DNAH3: variants seen among roughly 807,000 people sequenced by gnomAD.
DNAH3 encodes dynein axonemal heavy chain 3.
Under a neutral mutation model 432.5 loss-of-function variants are expected in DNAH3, and 332 were observed. The ratio of observed to expected loss-of-function variants is 0.77; its 90% confidence interval spans 0.70 to 0.84. The LOEUF (loss-of-function observed/expected upper bound fraction) is 0.84, where lower values mean the gene tolerates loss of function less well. Among genes scored for constraint, DNAH3 ranks in the 40% least tolerant of loss-of-function variants. The probability of loss-of-function intolerance (pLI) is 0.00; values close to 1 mark genes in which losing one functional copy is unlikely to be tolerated. For missense variants in DNAH3, 4,861 were observed against 5,114.0 expected, an observed-to-expected ratio of 0.95 and a Z score of 1.51; for synonymous variants, 1,956 against 1,900.2, an observed-to-expected ratio of 1.03 and a Z score of -0.76.
intron 1 of DNAH3, among the ~76,000 whole-genome samples, chr16:21,153,669 G>A (rs114318012): frequency 0.011 from 1,715 of 152,100 alleles, 47 homozygotes; most frequent in African/African-American, 0.04. Flanking sequence ...CTGCGCCAGC[G>A]AGACCAGAAA....
Position 20,959,553 on chromosome 16 carries a change from T to C in DNAH3, c.10601-149A>G, listed in dbSNP as rs537920912. 336 of 713,788 alleles carry C rather than the reference T, an allele frequency of 4.7e-4. 1 individual carries two copies. The African/African-American group carries it at 5.5e-3, about 12-fold the overall frequency. 44.2% of individuals were successfully genotyped at this position (713,788 alleles called of 1,614,324 possible). Reference sequence around the variant, plus strand: ...GGGAGGCCGAGGTGGGAGGATCACTTGAGCTCAGGAGTTGGAGACCAGCCT... The same window carrying C: ...GGGAGGCCGAGGTGGGAGGATCACTCGAGCTCAGGAGTTGGAGACCAGCCT... On this transcript the variant is annotated intron_variant, in intron 53 of 61. Transcript: ENST00000261383.
chr16:21,112,996 C>T (rs182482634), intron 12 of DNAH3, among the ~76,000 whole-genome samples: 1 of 152,298 alleles, frequency 6.6e-6, no homozygotes, highest in Non-Finnish European at 1.5e-5. Context: ...ATTTTACAGG[C>T]TCATAGGCAG....
chr16:21,096,051 T>C (rs184061524), intron 18 of DNAH3, among the ~76,000 whole-genome samples: 537 of 152,282 alleles, frequency 3.5e-3, no homozygotes, highest in African/African-American at 0.012. Flanking sequence ...ATTACAGGTA[T>C]GAGCCACCAT....
rs1248433907 is a variant in DNAH3, at chr16:20,988,106, C to T, written c.6602-41G>A. On this transcript the variant is annotated intron_variant, in intron 44 of 61. Coordinates refer to ENST00000261383, the Ensembl canonical transcript of DNAH3. ...CACAAGTGAATCATCCTGGAAAACACATATTCTCACACTGTCTGTGACCCT... is the reference window on the plus strand; with the variant it reads ...CACAAGTGAATCATCCTGGAAAACATATATTCTCACACTGTCTGTGACCCT... 3.7e-6 allele frequency: 6 copies of T among 1,609,778 alleles called. No individual in the cohort carries two copies. In the African/African-American group the frequency reaches 5.3e-5, roughly 14 times the overall value.
intron 8 of DNAH3, among the ~76,000 whole-genome samples, chr16:21,126,660 G>T (rs2092451503): frequency 6.6e-6 from 1 of 152,194 alleles, no homozygotes; most frequent in South Asian, 2.1e-4. Flanking sequence ...CCATGGACTG[G>T]TTGTAGGAAC....
At chr16:20,967,102 G>A (rs1453313199) in intron 52 of DNAH3, among the ~76,000 whole-genome samples, 1 of 152,186 alleles carries the variant, frequency 6.6e-6, no homozygotes, top group African/African-American at 2.4e-5. Context: ...CAGGTCAAAT[G>A]TGTCCCATTC....
At chr16:20,941,834 G>T (rs935995805) in intron 58 of DNAH3, among the ~76,000 whole-genome samples, 1 of 152,144 alleles carries the variant, frequency 6.6e-6, no homozygotes, top group African/African-American at 2.4e-5. Context: ...GAAGTGGGTG[G>T]ATCGCTTGAG....
intron 3 of DNAH3, 135 bp from the exon 5 acceptor site, chr16:21,141,507 G>C (rs1421774956): frequency 8.0e-6 from 5 of 628,568 alleles, no homozygotes; most frequent in African/African-American, 5.6e-5. Context: ...GACGTGGCAG[G>C]AGATGTGGGC....
Position 20,964,625 on chromosome 16 carries a change from G to GCC in DNAH3, c.9257_9258dup (p.Gln3087GlyfsTer27). ...ATGTTCTTAATCCATTTATTGGCCTGCCCGTGAGGGTCAATCATTAAGGCC... is the reference window on the plus strand; with the variant it reads ...ATGTTCTTAATCCATTTATTGGCCTGCCCCCGTGAGGGTCAATCATTAAGGCC... On this transcript the variant is annotated frameshift_variant, in exon 53 of 62. Transcript: ENST00000261383. LOFTEE classifies it high-confidence loss of function. 6.2e-7 allele frequency: 1 copy of GCC among 1,614,142 alleles called. No individual in the cohort carries two copies. The highest frequency in any genetic ancestry group is 8.5e-7 in the Non-Finnish European group (1 of 1,180,038).
At chr16:20,950,965 G>C (rs2084284073) in intron 56 of DNAH3, among the ~76,000 whole-genome samples, 1 of 151,986 alleles carries the variant, frequency 6.6e-6, no homozygotes, top group South Asian at 2.1e-4. Context: ...TGGGGCTACA[G>C]GTGCACAACA....
At chr16:20,959,322 A>G (rs760772025) in exon 54 of DNAH3, 1 of 1,614,178 alleles carries the variant, frequency 6.2e-7, no homozygotes, top group Admixed American at 1.7e-5. Flanking sequence ...TTTTGGCAGC[A>G]ATAGGGCCTT....
intron 50 of DNAH3, among the ~76,000 whole-genome samples, chr16:20,978,193 A>G (rs1400166153): frequency 2.0e-5 from 3 of 152,198 alleles, no homozygotes; most frequent in African/African-American, 7.2e-5. Flanking sequence ...TAACAGCCCT[A>G]TGCAGTGAAA....
At position 21,067,157 on chromosome 16, in the gene DNAH3, G is replaced by A; in HGVS notation, c.3518+126C>T. ...TGCCCCATTCCTGAAAACTGTCTTG[G>A]AGAATGGAAAACCAGGAAAGAGTAT... On this transcript the variant is annotated intron_variant, in intron 24 of 61. Coordinates refer to ENST00000261383, the Ensembl canonical transcript of DNAH3. The A allele has an allele frequency of 4.6e-6, 5 of 1,089,312 alleles. No individual in the cohort carries two copies. The South Asian group carries it at 6.8e-5, about 15-fold the overall frequency. The allele number at this position is 1,089,312 out of a possible 1,614,324, so 67.5% of individuals were successfully genotyped here. A position where few individuals can be genotyped will look rare whatever the true frequency, so the allele number is the denominator to read the frequency against.
At chr16:21,133,016 G>C (rs1301904540) in intron 7 of DNAH3, among the ~76,000 whole-genome samples, 4 of 151,300 alleles carry the variant, frequency 2.6e-5, no homozygotes. Context: ...ATACCTGAGA[G>C]ATCACTGCTT....
chr16:21,120,987 C>A (rs765759528), intron 10 of DNAH3: 1 of 730,004 alleles, frequency 1.4e-6, no homozygotes, highest in South Asian at 1.5e-5. Context: ...TACTTAGAAC[C>A]CTGTAAGTAC....
chr16:21,159,223 G>C, intron 1 of DNAH3: 1 of 1,058,458 alleles, frequency 9.4e-7, no homozygotes, highest in Non-Finnish European at 1.5e-6. Flanking sequence ...AAGTATCAAA[G>C]GGGGCTTCTT....
At chr16:21,123,954 G>A (rs908080853) in intron 9 of DNAH3, among the ~76,000 whole-genome samples, 6 of 151,074 alleles carry the variant, frequency 4.0e-5, no homozygotes, top group South Asian at 2.1e-4. Flanking sequence ...CACCACACCC[G>A]GCTAATTTTT....
intron 16 of DNAH3, among the ~76,000 whole-genome samples, chr16:21,102,396 T>C (rs75203234): frequency 6.6e-6 from 1 of 152,164 alleles, no homozygotes. Context: ...GCATGCAAAA[T>C]TGATGCCTTG....
rs2091903705 is a variant in DNAH3 at position 21,104,452 on chromosome 16, T to C, written c.2366+19A>G. ...AAGTCAGGTCTCATTTCCAAGACAA[T>C]CCCAGACTCTCCCGGTACCTTTTAA... On this transcript the variant is annotated intron_variant, in intron 16 of 61. Transcript: ENST00000261383. 1.2e-6 allele frequency: 2 copies of C among 1,609,324 alleles called. No individual in the cohort carries two copies. Among genetic ancestry groups the C allele is most frequent in the African/African-American group, 2.7e-5 (2 of 74,772 alleles).
Sources: gnomAD v4.1 joint callset for allele counts (sites outside exome capture counted in the v4.1 genomes callset) on GRCh38, gnomAD v4.1.1 for gene constraint, MANE v1.5 for transcripts, NCBI Gene and HGNC (gene_info 2026-07-23, HGNC 2026-07-21) for gene names.